The following CDK6 variants were observed in gnomAD, a reference collection of about 807,000 sequenced individuals.
CDK6 encodes cyclin dependent kinase 6, also known as cyclin-dependent kinase 6.
Under a neutral mutation model 37.1 loss-of-function variants are expected in CDK6, and 6 were observed. The ratio of observed to expected loss-of-function variants is 0.16; its 90% CI spans 0.09 to 0.32. The LOEUF is 0.32. Ranked by LOEUF, CDK6 falls within the 10% of genes least tolerant of loss-of-function variation. The probability of loss-of-function intolerance (pLI) is 1.00; values close to 1 mark genes in which losing one functional copy is unlikely to be tolerated. For synonymous variants in CDK6, 160 were observed against 161.3 expected (o/e 0.99, Z 0.06); for missense variants, 224 against 418.9 (o/e 0.53, Z 4.06).
intron 4 of CDK6, among the ~76,000 whole-genome samples, chr7:92,706,534 T>G (rs1256330825): frequency 2.0e-5 from 3 of 152,242 alleles, no homozygotes; most frequent in Non-Finnish European, 4.4e-5. Context: ...GAAAAACAAT[T>G]TTCTTGTCTT....
chr7:92,822,281 A>G (rs1801193797), intron 2 of CDK6, among the ~76,000 whole-genome samples: 1 of 152,140 alleles, frequency 6.6e-6, no homozygotes, highest in Admixed American at 6.6e-5. Context: ...ATTAGCTTAG[A>G]AAGGGTATAT....
chr7:92,685,763 T>C (rs961105420), intron 4 of CDK6, among the ~76,000 whole-genome samples: 2 of 152,346 alleles, frequency 1.3e-5, no homozygotes, highest in East Asian at 3.9e-4. Context: ...GGCCAGTTTC[T>C]ATCTTAAATC....
At chr7:92,757,201 T>C (rs1298156972) in intron 3 of CDK6, among the ~76,000 whole-genome samples, 2 of 152,208 alleles carry the variant, frequency 1.3e-5, no homozygotes, top group African/African-American at 2.4e-5. Flanking sequence ...ATTTTTTATA[T>C]AGGTAAACTT....
chr7:92,642,856 G>A (rs888006377), intron 5 of CDK6, among the ~76,000 whole-genome samples: 3 of 151,792 alleles, frequency 2.0e-5, no homozygotes, highest in Non-Finnish European at 1.5e-5. Context: ...CTATGACTAC[G>A]GAACTGCTAG....
At chr7:92,742,433 G>A (rs532600429) in intron 3 of CDK6, among the ~76,000 whole-genome samples, 2 of 152,304 alleles carry the variant, frequency 1.3e-5, no homozygotes, top group African/African-American at 4.8e-5. Context: ...TCATCTCAGA[G>A]TGTCAGACAT....
At chr7:92,796,992 T>C (rs1289879481) in intron 2 of CDK6, among the ~76,000 whole-genome samples, 5 of 152,056 alleles carry the variant, frequency 3.3e-5, no homozygotes, top group Non-Finnish European at 5.9e-5. Context: ...GATCTACCAA[T>C]AGAAAAGGCC....
At chr7:92,747,010 C>CCTCT (rs1799076550) in intron 3 of CDK6, among the ~76,000 whole-genome samples, 1 of 152,052 alleles carries the variant, frequency 6.6e-6, no homozygotes, top group African/African-American at 2.4e-5. Flanking sequence ...TATTGTGGCA[C>CCTCT]CTCTCCTAGA....
At chr7:92,790,691 C>T (rs1439459430) in intron 2 of CDK6, among the ~76,000 whole-genome samples, 1 of 152,102 alleles carries the variant, frequency 6.6e-6, no homozygotes, top group East Asian at 1.9e-4. Context: ...CAAATCCGCA[C>T]ACACACATAC....
At chr7:92,721,261 C>G (rs1798358267) in intron 4 of CDK6, among the ~76,000 whole-genome samples, 1 of 152,114 alleles carries the variant, frequency 6.6e-6, no homozygotes, top group South Asian at 2.1e-4. Flanking sequence ...GGCAAAATCC[C>G]TATTAGGAGG....
chr7:92,666,659 G>A (rs1457436229), intron 5 of CDK6, among the ~76,000 whole-genome samples: 1 of 152,148 alleles, frequency 6.6e-6, no homozygotes, highest in East Asian at 1.9e-4. Flanking sequence ...GAAGCTGAAT[G>A]ATTCCTATCT....
intron 5 of CDK6, among the ~76,000 whole-genome samples, chr7:92,640,388 T>C (rs948515828): frequency 6.6e-6 from 1 of 152,200 alleles, no homozygotes; most frequent in Non-Finnish European, 1.5e-5. Context: ...CCAGTGCAGC[T>C]GATAGGATTT....
intron 4 of CDK6, among the ~76,000 whole-genome samples, chr7:92,678,176 G>A (rs1458459010): frequency 1.3e-5 from 2 of 152,078 alleles, no homozygotes; most frequent in African/African-American, 4.8e-5. Flanking sequence ...AAATATAATG[G>A]TAAATTTAAA....
intron 5 of CDK6, among the ~76,000 whole-genome samples, chr7:92,640,077 T>C (rs1796266782): frequency 6.6e-6 from 1 of 152,178 alleles, no homozygotes; most frequent in South Asian, 2.1e-4. Flanking sequence ...TGGCTGCAAC[T>C]AGTGGGGAGG....
At chr7:92,813,541 C>T (rs760973854) in intron 2 of CDK6, among the ~76,000 whole-genome samples, 4 of 152,184 alleles carry the variant, frequency 2.6e-5, no homozygotes, top group Non-Finnish European at 2.9e-5. Context: ...TAACTGTCTA[C>T]TCTGCAGCTG....
chr7:92,730,793 C>G (rs1234879896), intron 3 of CDK6, among the ~76,000 whole-genome samples: 1 of 152,118 alleles, frequency 6.6e-6, no homozygotes, highest in Non-Finnish European at 1.5e-5. Context: ...TAGATGGGCA[C>G]CTCAGTAGTT....
intron 5 of CDK6, among the ~76,000 whole-genome samples, chr7:92,623,498 A>C (rs771491645): frequency 2.6e-5 from 4 of 152,204 alleles, no homozygotes; most frequent in Non-Finnish European, 4.4e-5. Context: ...CTCTGCTATC[A>C]GAGTACTTCC....
chr7:92,826,280 T>G (rs1801309859), intron 2 of CDK6, among the ~76,000 whole-genome samples: 1 of 152,088 alleles, frequency 6.6e-6, no homozygotes, highest in Non-Finnish European at 1.5e-5. Flanking sequence ...GGAGTTAACA[T>G]TCCATCTTAC....
intron 4 of CDK6, among the ~76,000 whole-genome samples, chr7:92,700,200 C>T (rs1018638590): frequency 6.6e-6 from 1 of 152,148 alleles, no homozygotes; most frequent in Non-Finnish European, 1.5e-5. Flanking sequence ...CCAAGTGTTA[C>T]TTGACAGAGC....
chr7:92,787,561 G>A (rs943448123), intron 2 of CDK6, among the ~76,000 whole-genome samples: 2 of 152,008 alleles, frequency 1.3e-5, no homozygotes, highest in African/African-American at 4.8e-5. Flanking sequence ...TTAGATTCCT[G>A]AAATCTCTAC....
Sources: gnomAD v4.1 joint callset for allele counts (sites outside exome capture counted in the v4.1 genomes callset) on GRCh38, gnomAD v4.1.1 for gene constraint, MANE v1.5 for transcripts, NCBI Gene and HGNC (gene_info 2026-07-23, HGNC 2026-07-21) for gene names.